Variants in NCOA7 observed in about 807,000 individuals in gnomAD.
NCOA7 encodes 140 kDa estrogen receptor-associated protein.
Under a neutral mutation model 104.3 loss-of-function variants are expected in NCOA7, and 45 were observed. The observed-to-expected ratio is 0.43, with a 90% CI of 0.34 to 0.55. NCOA7 has a LOEUF of 0.55. NCOA7 is among the 20% of genes least tolerant of loss of function. The pLI is 0.02. For missense variants in NCOA7, 1,041 were observed against 1,119.7 expected, an observed-to-expected ratio of 0.93 and a Z score of 1.00; for synonymous variants, 398 against 402.3, an observed-to-expected ratio of 0.99 and a Z score of 0.13.
chr6:125,920,924 G>T lies in NCOA7; in HGVS notation c.2245-19G>T. ...AAAAGCCAATAAGTTATTTTTCTTGGCTTGTTTTCTCATTTCAGATCATCA... is the reference window on the plus strand; with the variant it reads ...AAAAGCCAATAAGTTATTTTTCTTGTCTTGTTTTCTCATTTCAGATCATCA... On this transcript the variant is annotated intron_variant, in intron 11 of 15. Transcript: ENST00000392477. 1 of 1,609,062 alleles carries T rather than the reference G, an allele frequency of 6.2e-7. No homozygotes were observed. The highest frequency in any genetic ancestry group is 8.5e-7 in the Non-Finnish European group (1 of 1,176,696).
intron 1 of NCOA7, among the ~76,000 whole-genome samples, chr6:125,804,672 T>C (rs557201484): frequency 7.1e-4 from 108 of 152,290 alleles, no homozygotes; most frequent in African/African-American, 2.4e-3. Flanking sequence ...TTAAAAATAT[T>C]TGGTAGAAAT....
intron 2 of NCOA7, among the ~76,000 whole-genome samples, chr6:125,834,399 T>A (rs983575629): frequency 6.6e-6 from 1 of 152,254 alleles, no homozygotes; most frequent in Admixed American, 6.5e-5. Context: ...TAGATTCATT[T>A]ATTTACTTAG....
At position 125,817,414 on chromosome 6, in the gene NCOA7, A is replaced by C. The variant is rs571802599; in HGVS notation, c.50+2010A>C. ...AGTCTGAGTAATCCAGTTTGTCTGC[A>C]TTGTCATTTGGTGGTGTCAATATTT... is the stretch of plus-strand genomic sequence containing the variant. On this transcript the variant is annotated intron_variant, in intron 2 of 15. Coordinates refer to ENST00000392477, the MANE Select transcript of NCOA7 (RefSeq NM_181782.5). 3.3e-5 allele frequency among the ~76,000 whole-genome samples: 5 copies of C among 152,294 alleles called. 1 individual carries two copies. In the East Asian group the frequency reaches 9.6e-4, roughly 29 times the overall value.
rs990622275 is a variant in NCOA7 at position 125,782,807 on chromosome 6, C to G, written c.-142+1436C>G. 2.6e-5 allele frequency among the ~76,000 whole-genome samples: 4 copies of G among 152,208 alleles called. No homozygotes were observed. The East Asian group carries it at 5.8e-4, about 22-fold the overall frequency. On this transcript the variant is annotated intron_variant, in intron 1 of 16. Coordinates refer to the NCOA7 transcript ENST00000368357. Reference sequence around the variant, plus strand: ...CTTCACCCTACAACACCAGAGATGTCACTGTCCTAATCCCCAGAACATGTT... The same window carrying G: ...CTTCACCCTACAACACCAGAGATGTGACTGTCCTAATCCCCAGAACATGTT...
At chr6:125,896,608 A>G (rs1172940127) in intron 10 of NCOA7, among the ~76,000 whole-genome samples, 1 of 152,132 alleles carries the variant, frequency 6.6e-6, no homozygotes, top group Non-Finnish European at 1.5e-5. Flanking sequence ...CCTGGGCAAC[A>G]TGGTGAAATC....
chr6:125,861,462 C>T (rs1054384729), intron 3 of NCOA7, among the ~76,000 whole-genome samples: 20 of 152,048 alleles, frequency 1.3e-4, no homozygotes, highest in Admixed American at 1.1e-3. Context: ...AAGTAATGAT[C>T]GTCCTGGTAC....
At chr6:125,797,076 T>C (rs2128548959) in intron 1 of NCOA7, among the ~76,000 whole-genome samples, 2 of 152,342 alleles carry the variant, frequency 1.3e-5, no homozygotes, top group Admixed American at 1.3e-4. Context: ...GAGTGTCTTT[T>C]ATTCCTCCCA....
intron 2 of NCOA7, among the ~76,000 whole-genome samples, chr6:125,833,602 G>A (rs1779369319): frequency 6.8e-6 from 1 of 147,418 alleles, no homozygotes. Flanking sequence ...GAGGGGGGGA[G>A]GGGGAGGGAC....
intron 2 of NCOA7, among the ~76,000 whole-genome samples, chr6:125,816,616 A>G (rs917277729): frequency 6.6e-6 from 1 of 152,246 alleles, no homozygotes; most frequent in African/African-American, 2.4e-5. Context: ...ATGAGGCACC[A>G]GAAAGATAGG....
chr6:125,834,500 A>C (rs1321215131), intron 2 of NCOA7, among the ~76,000 whole-genome samples: 4 of 152,204 alleles, frequency 2.6e-5, no homozygotes, highest in African/African-American at 9.6e-5. Context: ...TGAGGTCTTA[A>C]GAGGTTGTTA....
At chr6:125,874,218 G>A (rs917172122) in intron 3 of NCOA7, among the ~76,000 whole-genome samples, 2 of 152,100 alleles carry the variant, frequency 1.3e-5, no homozygotes, top group African/African-American at 2.4e-5. Context: ...CCAGCTACTC[G>A]GGAGGCTGAG....
intron 5 of NCOA7, among the ~76,000 whole-genome samples, chr6:125,878,717 A>G (rs944926259): frequency 6.6e-6 from 1 of 152,130 alleles, no homozygotes. Flanking sequence ...CCTTGGCTAC[A>G]CATGCTTAAA....
chr6:125,846,361 A>T (rs899005501), intron 2 of NCOA7, among the ~76,000 whole-genome samples: 13 of 148,350 alleles, frequency 8.8e-5, no homozygotes, highest in African/African-American at 3.2e-4. Context: ...AGAAAAAAAA[A>T]TTTTTTTTTT....
intron 2 of NCOA7, among the ~76,000 whole-genome samples, chr6:125,846,733 A>C (rs1047263655): frequency 1.3e-5 from 2 of 152,254 alleles, no homozygotes; most frequent in Non-Finnish European, 2.9e-5. Context: ...GCCCTGTGGC[A>C]GTTGGCTGTA....
chr6:125,834,863 C>T (rs980129813), intron 2 of NCOA7, among the ~76,000 whole-genome samples: 1 of 152,190 alleles, frequency 6.6e-6, no homozygotes, highest in Non-Finnish European at 1.5e-5. Flanking sequence ...TTCTTGTTGG[C>T]TTACAGAAAT....
At chr6:125,862,375 ACTT>A (rs1281443999) in intron 3 of NCOA7, among the ~76,000 whole-genome samples, 1 of 138,312 alleles carries the variant, frequency 7.2e-6, no homozygotes, top group Admixed American at 6.8e-5. Context: ...AAAGAAACAG[ACTT>A]CTTCATAGTG....
chr6:125,875,647 T>C (rs1466110324), intron 4 of NCOA7: 1 of 152,232 alleles, frequency 6.6e-6, no homozygotes, highest in Non-Finnish European at 1.5e-5. Flanking sequence ...CCAGCCAGTC[T>C]AGGCCATATC....
In NCOA7 at chr6:125,911,743, C is replaced by T. The variant is rs147165489; in HGVS notation, c.2097-3590C>T. Among the ~76,000 whole-genome samples the T allele has an allele frequency of 1.2e-3, 178 of 152,264 alleles. No individual in the cohort carries two copies. The South Asian group carries it at 0.014, about 12-fold the overall frequency. ...GTCCATTAAGCATCGTGACTCTGGTCGGTCTTCGTTCCATCTTCGCAATCA... is the reference window on the plus strand; with the variant it reads ...GTCCATTAAGCATCGTGACTCTGGTTGGTCTTCGTTCCATCTTCGCAATCA... On this transcript the variant is annotated intron_variant, in intron 10 of 15. Coordinates refer to ENST00000392477, the MANE Select transcript of NCOA7 (RefSeq NM_181782.5).
intron 10 of NCOA7, among the ~76,000 whole-genome samples, chr6:125,897,328 T>C (rs1785111352): frequency 1.3e-5 from 2 of 152,190 alleles, no homozygotes; most frequent in African/African-American, 4.8e-5. Context: ...CCCAGGATAT[T>C]CAATGGAAAG....
Sources: allele counts gnomAD v4.1 joint callset (sites outside exome capture counted in the v4.1 genomes callset), GRCh38; gene constraint gnomAD v4.1.1; transcripts MANE v1.5; gene names NCBI Gene and HGNC (gene_info 2026-07-23, HGNC 2026-07-21).